UGT2A2: variants seen among roughly 807,000 people sequenced by gnomAD.
UGT2A2 encodes UDP glucuronosyltransferase family 2 member A2.
A neutral mutation model predicts 50.7 loss-of-function variants in UGT2A2; 60 were observed. That is an observed-to-expected ratio of 1.18 (90% CI 0.96 to 1.47). The LOEUF is 1.47. Ranked by LOEUF, UGT2A2 falls within the 40% of genes most tolerant of loss-of-function variation. The pLI, the probability that UGT2A2 is intolerant of heterozygous loss-of-function variation, is 0.00. For missense variants in UGT2A2, 762 were observed against 634.0 expected, an observed-to-expected ratio of 1.20 and a Z score of -2.17; for synonymous variants, 242 against 214.6, an observed-to-expected ratio of 1.13 and a Z score of -1.11.
intron 1 of UGT2A2, among the ~76,000 whole-genome samples, chr4:69,600,724 T>C (rs941536424): frequency 6.6e-6 from 1 of 151,836 alleles, no homozygotes; most frequent in African/African-American, 2.4e-5. Context: ...CATCTAATCA[T>C]GGCAGAAGGC....
At chr4:69,619,035 G>A (rs1318381860) in intron 1 of UGT2A2, among the ~76,000 whole-genome samples, 2 of 151,712 alleles carry the variant, frequency 1.3e-5, no homozygotes, top group Non-Finnish European at 2.9e-5. Context: ...TACAATATAT[G>A]TATATACATT....
chr4:69,604,443 C>G (rs1230710317), intron 1 of UGT2A2, among the ~76,000 whole-genome samples: 1 of 136,788 alleles, frequency 7.3e-6, no homozygotes, highest in South Asian at 2.4e-4. Flanking sequence ...AAAGGAACAA[C>G]CAGTACCAGC....
intron 1 of UGT2A2, among the ~76,000 whole-genome samples, chr4:69,623,079 AAC>A (rs1201640595): frequency 6.6e-6 from 1 of 151,788 alleles, no homozygotes; most frequent in East Asian, 1.9e-4. Context: ...GAAGGCAATA[AAC>A]ACAGATAACA....
At chr4:69,606,772 C>T (rs1719651249) in intron 1 of UGT2A2, among the ~76,000 whole-genome samples, 1 of 136,426 alleles carries the variant, frequency 7.3e-6, no homozygotes, top group Non-Finnish European at 1.6e-5. Flanking sequence ...TTCTTATACA[C>T]CAATAACAGA....
intron 1 of UGT2A2, among the ~76,000 whole-genome samples, chr4:69,613,100 A>C (rs1484564896): frequency 6.6e-6 from 1 of 152,042 alleles, no homozygotes; most frequent in Non-Finnish European, 1.5e-5. Flanking sequence ...ACAAAAGAAG[A>C]CATACAATCA....
chr4:69,616,981 G>A (rs1330085023), intron 1 of UGT2A2, among the ~76,000 whole-genome samples: 2 of 151,528 alleles, frequency 1.3e-5, no homozygotes, highest in Non-Finnish European at 2.9e-5. Context: ...CTACTGTTTT[G>A]TAGTTAAAAT....
chr4:69,592,071 TTTC>T (rs999151265), intron 5 of UGT2A2, among the ~76,000 whole-genome samples: 78 of 152,274 alleles, frequency 5.1e-4, no homozygotes, highest in African/African-American at 1.8e-3. Context: ...GTTGAGTGTC[TTTC>T]TTTTTTGAAA....
At chr4:69,633,219 C>T (rs1230631358) in intron 1 of UGT2A2, among the ~76,000 whole-genome samples, 1 of 152,086 alleles carries the variant, frequency 6.6e-6, no homozygotes, top group Non-Finnish European at 1.5e-5. Context: ...TCATACTGTA[C>T]ACTTTATGCA....
At chr4:69,626,891 G>C (rs897592030) in intron 1 of UGT2A2, among the ~76,000 whole-genome samples, 14 of 151,538 alleles carry the variant, frequency 9.2e-5, no homozygotes, top group African/African-American at 3.4e-4. Context: ...GTATTCTTTT[G>C]AAATGGCTCC....
At chr4:69,631,065 T>A (rs1405615041) in intron 1 of UGT2A2, among the ~76,000 whole-genome samples, 1 of 152,170 alleles carries the variant, frequency 6.6e-6, no homozygotes, top group Non-Finnish European at 1.5e-5. Context: ...TTTCTTAAAC[T>A]ATAACACTAC....
intron 5 of UGT2A2, 130 bp downstream of exon 5, chr4:69,594,347 A>G (rs1050096996): frequency 2.8e-5 from 35 of 1,228,690 alleles, no homozygotes; most frequent in Non-Finnish European, 3.5e-5. Context: ...CAAATAAAAT[A>G]GTTTTTATAT....
chr4:69,621,168 A>G (rs962575681), intron 1 of UGT2A2, among the ~76,000 whole-genome samples: 4 of 152,080 alleles, frequency 2.6e-5, no homozygotes, highest in African/African-American at 7.2e-5. Context: ...ATTAAACTTA[A>G]GAGCTTCTGC....
intron 5 of UGT2A2, 28 bp from the exon 6 acceptor site, chr4:69,589,679 TA>T: frequency 6.4e-7 from 1 of 1,567,216 alleles, no homozygotes; most frequent in Non-Finnish European, 8.7e-7. Flanking sequence ...AGGCAGAAAT[TA>T]GACAATTTTT....
At chr4:69,594,752 T>C in intron 4 of UGT2A2, 56 bp from the exon 5 acceptor site, 1 of 1,558,362 alleles carries the variant, frequency 6.4e-7, no homozygotes, top group East Asian at 2.3e-5. Context: ...TTAGCAGAAT[T>C]TGAGAGACAG....
intron 1 of UGT2A2, among the ~76,000 whole-genome samples, chr4:69,614,246 T>C (rs1455210021): frequency 6.6e-6 from 1 of 151,836 alleles, no homozygotes; most frequent in Non-Finnish European, 1.5e-5. Context: ...ATAAAATACC[T>C]AAGAATAAAC....
intron 5 of UGT2A2, 110 bp from the exon 6 acceptor site, chr4:69,589,761 G>T: frequency 7.1e-7 from 1 of 1,400,492 alleles, no homozygotes; most frequent in South Asian, 1.5e-5. Context: ...TAGTTACGTG[G>T]AGAAAATATA....
chr4:69,606,415 A>T (rs1719618691), intron 1 of UGT2A2, among the ~76,000 whole-genome samples: 1 of 136,610 alleles, frequency 7.3e-6, no homozygotes, highest in Admixed American at 7.2e-5. Context: ...TATTGATGGG[A>T]TGTATCTCAA....
intron 5 of UGT2A2, among the ~76,000 whole-genome samples, chr4:69,592,718 T>C (rs532126571): frequency 2.6e-5 from 4 of 151,816 alleles, no homozygotes; most frequent in Non-Finnish European, 5.9e-5. Context: ...GAGGAAAACA[T>C]ACCAAAATAC....
At chr4:69,629,473 T>C (rs1056626470) in intron 1 of UGT2A2, among the ~76,000 whole-genome samples, 2 of 152,060 alleles carry the variant, frequency 1.3e-5, no homozygotes, top group African/African-American at 4.8e-5. Context: ...TTTGACTAGA[T>C]AGTTTATGTT....
Sources: allele counts gnomAD v4.1 joint callset (sites outside exome capture counted in the v4.1 genomes callset), GRCh38; gene constraint gnomAD v4.1.1; transcripts MANE v1.5; gene names NCBI Gene and HGNC (gene_info 2026-07-23, HGNC 2026-07-21).